ATF7IP2: variants seen among roughly 807,000 people sequenced by gnomAD.
ATF7IP2 encodes the protein activating transcription factor 7-interacting protein 2.
A neutral mutation model predicts 64.2 loss-of-function variants in ATF7IP2; 42 were observed. The observed-to-expected ratio is 0.65, with a 90% CI of 0.51 to 0.85. ATF7IP2 has a LOEUF of 0.85. Among genes scored for constraint, ATF7IP2 ranks in the 40% least tolerant of loss-of-function variants. ATF7IP2 has a pLI of 0.00. For missense variants in ATF7IP2, 933 were observed against 784.2 expected, an observed-to-expected ratio of 1.19 and a Z score of -2.27; for synonymous variants, 308 against 272.8, an observed-to-expected ratio of 1.13 and a Z score of -1.27.
intron 3 of ATF7IP2, among the ~76,000 whole-genome samples, chr16:10,426,259 A>G (rs1264858361): frequency 1.3e-5 from 2 of 152,254 alleles, no homozygotes; most frequent in African/African-American, 4.8e-5. Context: ...AATTGGCTAA[A>G]GAGAGGAGTT....
intron 12 of ATF7IP2, among the ~76,000 whole-genome samples, chr16:10,475,689 T>A (rs1364992452): frequency 1.1e-5 from 1 of 91,384 alleles, no homozygotes; most frequent in Non-Finnish European, 1.8e-5. Flanking sequence ...CGAAACTCCG[T>A]CTCAAAAAAA....
At chr16:10,445,279 A>C (rs1257979615) in intron 8 of ATF7IP2, 2 of 152,082 alleles carry the variant, frequency 1.3e-5, no homozygotes, top group African/African-American at 4.8e-5. Context: ...AGTTTTCTTT[A>C]GCCCCTGTTT....
intron 9 of ATF7IP2, among the ~76,000 whole-genome samples, chr16:10,459,952 A>G (rs993972890): frequency 1.3e-5 from 2 of 152,224 alleles, no homozygotes; most frequent in African/African-American, 4.8e-5. Flanking sequence ...ATCGGGGGAA[A>G]AGGAAAAATA....
rs151117932 is a variant in ATF7IP2, at chr16:10,414,867, G to A, written c.-203+255G>A. On this transcript the variant is annotated intron_variant, in intron 2 of 13. Coordinates refer to ENST00000562102, the MANE Select transcript of ATF7IP2 (RefSeq NM_001393719.1). The stretch of plus-strand genomic sequence containing the variant: ...CTAGGAATGTGGCTTTCTGAGAGCT[G>A]AGCTGTAGTGATTGTTATCTCTCTT... Among the ~76,000 whole-genome samples, 1,097 of 152,152 alleles carry A rather than the reference G, an allele frequency of 7.2e-3. 9 individuals are homozygous for A. The highest frequency in any genetic ancestry group is 0.013 in the South Asian group (61 of 4,814).
intron 1 of ATF7IP2, among the ~76,000 whole-genome samples, chr16:10,406,489 G>C (rs1332579276): frequency 6.6e-6 from 1 of 152,112 alleles, no homozygotes; most frequent in Non-Finnish European, 1.5e-5. Context: ...TAGAAGAAAA[G>C]AAGTAATAAA....
chr16:10,479,635 AAAACTT>A (rs920763789), intron 12 of ATF7IP2, among the ~76,000 whole-genome samples: 3 of 152,074 alleles, frequency 2.0e-5, no homozygotes, highest in African/African-American at 7.2e-5. Flanking sequence ...CATGTACCCT[AAAACTT>A]AAAGTATAAT....
In ATF7IP2 at chr16:10,431,177, C is replaced by T. The variant is rs755012666; in HGVS notation, c.557C>T (p.Thr186Ile). 3.1e-6 allele frequency: 5 copies of T among 1,614,180 alleles called. No individual in the cohort carries two copies. The South Asian group carries it at 5.5e-5, about 18-fold the overall frequency. The change falls in exon 5 of 14, where the codon ACC (threonine) becomes ATC (isoleucine). Residue 186 changes from threonine (T) to isoleucine (I), a missense_variant. Physicochemically the swap from Thr to Ile is moderately conservative, Grantham distance 89 (BLOSUM62 -1). Coordinates refer to ENST00000562102, the MANE Select transcript of ATF7IP2 (RefSeq NM_001393719.1). Reference protein sequence around the residue: ...GVVQMPESTVTSTVGDKKTDQ... With the variant: ...GVVQMPESTVISTVGDKKTDQ... Reference sequence around the variant, plus strand: ...GTTCAGATGCCAGAGTCTACAGTAACCAGTACCGTGGGTGACAAGAAAACT... The same window carrying T: ...GTTCAGATGCCAGAGTCTACAGTAATCAGTACCGTGGGTGACAAGAAAACT...
intron 6 of ATF7IP2, among the ~76,000 whole-genome samples, chr16:10,435,789 C>T (rs576339494): frequency 6.6e-6 from 1 of 152,310 alleles, no homozygotes; most frequent in South Asian, 2.1e-4. Flanking sequence ...TACAACTTTC[C>T]AGGCTCCTTT....
chr16:10,431,990 ATTTTTTT>A (rs34029007), intron 5 of ATF7IP2, among the ~76,000 whole-genome samples: 4 of 111,608 alleles, frequency 3.6e-5, no homozygotes. Context: ...CGCCCGGCTA[ATTTTTTT>A]TTTTTTTTTT....
At position 10,481,821 on chromosome 16, in the gene ATF7IP2, C is replaced by A. The variant is rs372529691; in HGVS notation, c.1636-15C>A. Reference sequence around the variant, plus strand: ...CCACTTTAAAAGCTATATTTTCTTACAATTGTGTTTTTAGGTTCCTGAGTC... The same window carrying A: ...CCACTTTAAAAGCTATATTTTCTTAAAATTGTGTTTTTAGGTTCCTGAGTC... On this transcript the variant is annotated splice_polypyrimidine_tract_variant and intron_variant, in intron 13 of 13. Transcript: ENST00000562102. 1.3e-6 allele frequency: 2 copies of A among 1,549,042 alleles called. No individual in the cohort carries two copies. The highest frequency in any genetic ancestry group is 8.7e-7 in the Non-Finnish European group (1 of 1,153,900).
At chr16:10,408,125 T>C (rs1177261225) in intron 1 of ATF7IP2, among the ~76,000 whole-genome samples, 1 of 152,098 alleles carries the variant, frequency 6.6e-6, no homozygotes, top group Non-Finnish European at 1.5e-5. Context: ...TTGGCCAGGA[T>C]GATCTTGATT....
chr16:10,444,867 A>T (rs1159638840), intron 8 of ATF7IP2, among the ~76,000 whole-genome samples: 1 of 152,176 alleles, frequency 6.6e-6, no homozygotes, highest in Admixed American at 6.5e-5. Context: ...AATATTTTCA[A>T]TTAATGCCTT....
chr16:10,459,908 C>T (rs939038477), intron 9 of ATF7IP2, among the ~76,000 whole-genome samples: 1 of 152,036 alleles, frequency 6.6e-6, no homozygotes, highest in Admixed American at 6.5e-5. Flanking sequence ...ATATAACATA[C>T]TGGATGCCTT....
At chr16:10,459,206 C>T (rs1036628058) in intron 9 of ATF7IP2, among the ~76,000 whole-genome samples, 1 of 152,092 alleles carries the variant, frequency 6.6e-6, no homozygotes, top group African/African-American at 2.4e-5. Context: ...CGGTGGCTCA[C>T]GCCTTCCATC....
At chr16:10,403,230 C>A (rs2047569860) in intron 1 of ATF7IP2, among the ~76,000 whole-genome samples, 1 of 152,110 alleles carries the variant, frequency 6.6e-6, no homozygotes, top group Non-Finnish European at 1.5e-5. Flanking sequence ...GACACATATG[C>A]ACCAGGCTCA....
At chr16:10,410,005 T>C (rs533178823) in intron 1 of ATF7IP2, among the ~76,000 whole-genome samples, 57 of 152,344 alleles carry the variant, frequency 3.7e-4, no homozygotes, top group Admixed American at 9.8e-4. Context: ...AGTCAGGTAA[T>C]GTGATGCCTC....
intron 3 of ATF7IP2, among the ~76,000 whole-genome samples, chr16:10,428,323 C>T (rs918599184): frequency 1.3e-5 from 2 of 152,072 alleles, no homozygotes; most frequent in African/African-American, 4.8e-5. Flanking sequence ...TTTTTTACTC[C>T]AGAGCTTAAA....
chr16:10,465,127 T>C (rs2142040743), intron 9 of ATF7IP2, among the ~76,000 whole-genome samples: 1 of 152,252 alleles, frequency 6.6e-6, no homozygotes, highest in South Asian at 2.1e-4. Flanking sequence ...ACCACGCCTG[T>C]CCATCCTACT....
intron 8 of ATF7IP2, among the ~76,000 whole-genome samples, chr16:10,453,704 A>G (rs1486369843): frequency 2.0e-5 from 3 of 152,074 alleles, no homozygotes; most frequent in Admixed American, 6.6e-5. Context: ...CGCAACCTCC[A>G]TCTCCTGGGT....
Sources: allele counts gnomAD v4.1 joint callset (sites outside exome capture counted in the v4.1 genomes callset), GRCh38; gene constraint gnomAD v4.1.1; transcripts MANE v1.5; gene names NCBI Gene and HGNC (gene_info 2026-07-23, HGNC 2026-07-21).